Variants in NTM observed in about 807,000 individuals in gnomAD.
NTM encodes the protein IgLON family member 2.
Under a neutral mutation model 42.1 loss-of-function variants are expected in NTM, and 13 were observed. The ratio of observed to expected loss-of-function variants is 0.31; its 90% CI spans 0.20 to 0.49. The LOEUF (loss-of-function observed/expected upper bound fraction) is 0.49. Among genes scored for constraint, NTM ranks in the 20% least tolerant of loss-of-function variants. The pLI, the probability that NTM is intolerant of heterozygous loss-of-function variation, is 0.99. For synonymous variants in NTM, 187 were observed against 179.2 expected (o/e 1.04, Z -0.35); for missense variants, 373 against 452.8 (o/e 0.82, Z 1.60).
chr11:132,108,497 A>G (rs1195812924), intron 2 of NTM, among the ~76,000 whole-genome samples: 1 of 152,166 alleles, frequency 6.6e-6, no homozygotes, highest in Admixed American at 6.5e-5. Context: ...ACGCAAAGGC[A>G]TAAGAATGAT....
chr11:131,546,856 C>A (rs1242315551), intron 1 of NTM: 6 of 152,220 alleles, frequency 3.9e-5, no homozygotes, highest in Admixed American at 3.9e-4. Flanking sequence ...CAAACTGTAC[C>A]TTTTGTGTCC....
chr11:132,254,306 G>C (rs981724758), intron 4 of NTM, among the ~76,000 whole-genome samples: 1 of 151,912 alleles, frequency 6.6e-6, no homozygotes, highest in Non-Finnish European at 1.5e-5. Context: ...TCGCCCACTT[G>C]TCTCCTGGTT....
At chr11:131,936,840 A>C (rs1020868661) in intron 2 of NTM, among the ~76,000 whole-genome samples, 4 of 152,208 alleles carry the variant, frequency 2.6e-5, no homozygotes, top group African/African-American at 9.6e-5. Context: ...TGTATCAGGC[A>C]CTGCTCCAAG....
chr11:131,525,198 G>A (rs1443408202), intron 1 of NTM, among the ~76,000 whole-genome samples: 3 of 152,312 alleles, frequency 2.0e-5, no homozygotes, highest in South Asian at 4.1e-4. Flanking sequence ...AGGGCTGAGA[G>A]CCATAACCAC....
chr11:132,160,242 CA>C (rs1249246664), intron 3 of NTM, among the ~76,000 whole-genome samples: 8 of 152,158 alleles, frequency 5.3e-5, no homozygotes, highest in Non-Finnish European at 1.2e-4. Context: ...ATTCATATGG[CA>C]AATGAATTTT....
At chr11:132,203,474 G>T (rs1196346045) in intron 3 of NTM, among the ~76,000 whole-genome samples, 2 of 152,236 alleles carry the variant, frequency 1.3e-5, no homozygotes, top group East Asian at 3.9e-4. Context: ...TGGGGTGTGG[G>T]CTTAAAACCT....
intron 1 of NTM, among the ~76,000 whole-genome samples, chr11:131,530,618 G>T (rs1292831106): frequency 6.6e-6 from 1 of 152,124 alleles, no homozygotes; most frequent in Admixed American, 6.5e-5. Flanking sequence ...ACATGCCAAG[G>T]CGCCAGAGGT....
At chr11:131,429,948 G>T (rs1475873911) in intron 1 of NTM, among the ~76,000 whole-genome samples, 3 of 152,156 alleles carry the variant, frequency 2.0e-5, no homozygotes, top group Non-Finnish European at 4.4e-5. Flanking sequence ...AAATATTATT[G>T]GAGCTTTAGG....
chr11:131,516,586 A>G (rs11222679), intron 1 of NTM, among the ~76,000 whole-genome samples: 13,579 of 152,124 alleles, frequency 0.089, 699 homozygotes, highest in Middle Eastern at 0.16. Flanking sequence ...TGGCCAGGCC[A>G]GTTTCGAACT....
At chr11:131,473,349 G>A (rs969320918) in intron 1 of NTM, among the ~76,000 whole-genome samples, 1 of 152,148 alleles carries the variant, frequency 6.6e-6, no homozygotes, top group Non-Finnish European at 1.5e-5. Context: ...TCCTAAGGGA[G>A]TCCATGAGCA....
chr11:131,625,883 C>T (rs1002715268), intron 1 of NTM, among the ~76,000 whole-genome samples: 1 of 152,144 alleles, frequency 6.6e-6, no homozygotes, highest in African/African-American at 2.4e-5. Context: ...CATGTTGTGG[C>T]CTATATTTGT....
intron 1 of NTM, among the ~76,000 whole-genome samples, chr11:131,721,749 C>A (rs528009617): frequency 1.3e-4 from 20 of 152,124 alleles, no homozygotes; most frequent in African/African-American, 4.6e-4. Flanking sequence ...GTAATCCCAG[C>A]ACTTTCGGAG....
intron 1 of NTM, among the ~76,000 whole-genome samples, chr11:131,585,871 A>G (rs889251919): frequency 6.6e-6 from 1 of 152,034 alleles, no homozygotes; most frequent in African/African-American, 2.4e-5. Context: ...TTTCCTTACC[A>G]TCTTTCCTTT....
intron 1 of NTM, among the ~76,000 whole-genome samples, chr11:131,640,925 C>T (rs1311042361): frequency 3.9e-5 from 6 of 152,188 alleles, no homozygotes; most frequent in African/African-American, 9.7e-5. Flanking sequence ...GCAAGTTACT[C>T]GTATTTTCCA....
chr11:132,225,046 A>AT (rs1230214172), intron 4 of NTM, among the ~76,000 whole-genome samples: 1 of 152,226 alleles, frequency 6.6e-6, no homozygotes, highest in Non-Finnish European at 1.5e-5. Flanking sequence ...CTCCAGACTC[A>AT]TTTTTTAAGA....
intron 1 of NTM, among the ~76,000 whole-genome samples, chr11:131,455,287 G>A (rs1237100311): frequency 6.6e-5 from 10 of 152,128 alleles, no homozygotes; most frequent in Admixed American, 5.9e-4. Context: ...ACGAGTAGAC[G>A]GCCCAAGCGG....
At chr11:132,323,214 C>A (rs1367595274) in intron 7 of NTM, among the ~76,000 whole-genome samples, 2 of 150,162 alleles carry the variant, frequency 1.3e-5, no homozygotes, top group Non-Finnish European at 3.0e-5. Flanking sequence ...ACACAAAAAA[C>A]CCTTCAAAAA....
intron 1 of NTM, among the ~76,000 whole-genome samples, chr11:131,738,082 C>G (rs1479379706): frequency 6.6e-6 from 1 of 152,160 alleles, no homozygotes; most frequent in Non-Finnish European, 1.5e-5. Flanking sequence ...AGTTGCCAGG[C>G]TCACCAAGAG....
chr11:131,504,931 C>T (rs1337051783), intron 1 of NTM, among the ~76,000 whole-genome samples: 2 of 152,112 alleles, frequency 1.3e-5, no homozygotes, highest in East Asian at 3.9e-4. Flanking sequence ...TGATTCTTTT[C>T]AGAATCAACA....
Sources: gnomAD v4.1 joint callset for allele counts (sites outside exome capture counted in the v4.1 genomes callset) on GRCh38, gnomAD v4.1.1 for gene constraint, MANE v1.5 for transcripts, NCBI Gene and HGNC (gene_info 2026-07-23, HGNC 2026-07-21) for gene names.